MOSMO: variants seen among roughly 807,000 people sequenced by gnomAD.
MOSMO encodes modulator of smoothened, also known as modulator of smoothened protein.
In MOSMO, 5 loss-of-function variants were observed where a neutral mutation model predicts 18.4. That is an observed-to-expected ratio of 0.27 (90% confidence interval 0.14 to 0.57). The LOEUF (loss-of-function observed/expected upper bound fraction) is 0.57, where lower values mean the gene tolerates loss of function less well. MOSMO is among the 20% of genes least tolerant of loss of function. The pLI, the probability that MOSMO is intolerant of heterozygous loss-of-function variation, is 0.92. For synonymous variants in MOSMO, 82 were observed against 82.3 expected, an observed-to-expected ratio of 1.00 and a Z score of 0.02; for missense variants, 138 against 211.8, an observed-to-expected ratio of 0.65 and a Z score of 2.16.
At position 22,008,311 on chromosome 16, in the gene MOSMO, C is replaced by T. The variant is rs1035998835; in HGVS notation, c.10C>T (p.Leu4=). 9.2e-6 allele frequency: 14 copies of T among 1,528,280 alleles called. No individual in the cohort carries two copies. The highest frequency in any genetic ancestry group is 1.4e-5 in the African/African-American group (1 of 72,396). 94.7% of individuals were successfully genotyped at this position (1,528,280 alleles called of 1,614,324 possible). The change falls in exon 1 of 3, where the codon CTG becomes TTG. Residue 4 remains leucine, a synonymous_variant. Coordinates refer to ENST00000542527, the MANE Select transcript of MOSMO (RefSeq NM_001164579.2). ...GGAGCGGGGCGGGGAGATGGATAAA[C>T]TGACCATCATCTCAGGATGTCTCTT... The part of the protein sequence containing the change: MDK[L]TIISGCLFLA...
At chr16:22,058,005 A>T (rs999750201) in intron 1 of MOSMO, among the ~76,000 whole-genome samples, 1 of 152,212 alleles carries the variant, frequency 6.6e-6, no homozygotes, top group Non-Finnish European at 1.5e-5. Context: ...CTGTCTGAAA[A>T]AAAAGGCATA....
chr16:22,034,671 T>C (rs1296522383), intron 1 of MOSMO, among the ~76,000 whole-genome samples: 1 of 151,704 alleles, frequency 6.6e-6, no homozygotes, highest in Non-Finnish European at 1.5e-5. Context: ...GAATATGATA[T>C]ACCTGTGTGT....
chr16:22,072,040 CT>C (rs1472069141), intron 1 of MOSMO, among the ~76,000 whole-genome samples: 1 of 152,120 alleles, frequency 6.6e-6, no homozygotes, highest in African/African-American at 2.4e-5. Context: ...CAGTTCCCTC[CT>C]CTGAAAAGCT....
intron 1 of MOSMO, among the ~76,000 whole-genome samples, chr16:22,073,188 A>G (rs1900893666): frequency 6.6e-6 from 1 of 152,176 alleles, no homozygotes; most frequent in Non-Finnish European, 1.5e-5. Context: ...AGGAAAGTTC[A>G]GTTATGATGT....
At position 22,065,207 on chromosome 16, in the gene MOSMO, C is replaced by G. The variant is rs542100348; in HGVS notation, c.107-10280C>G. 6.6e-5 allele frequency among the ~76,000 whole-genome samples: 10 copies of G among 152,268 alleles called. No individual in the cohort carries two copies. In the East Asian group the frequency reaches 1.9e-3, roughly 29 times the overall value. On this transcript the variant is annotated intron_variant, in intron 1 of 2. Transcript: ENST00000542527. ...TAAAATAAGGCCTCCAAACTACAGT[C>G]ATGCTTACAAACAGGTGGTAATAGT...
rs1483169730 is a variant in MOSMO, at chr16:22,081,520, G to A, written c.*640G>A. ...AAAAAAAAAAAAAATCAAACACTAA[G>A]ACACATGTTTTGGGTGGGTGGGTGG... On this transcript the variant is annotated 3_prime_UTR_variant, in exon 3 of 3. Coordinates refer to ENST00000542527, the MANE Select transcript of MOSMO (RefSeq NM_001164579.2). 3 of 24,314 alleles carry A rather than the reference G, an allele frequency of 1.2e-4. No individual in the cohort carries two copies. Among genetic ancestry groups the A allele is most frequent in the Non-Finnish European group, 2.2e-4 (3 of 13,388 alleles). 1.5% of individuals were successfully genotyped at this position (24,314 alleles called of 1,614,324 possible).
chr16:22,011,752 A>C (rs1899533224), intron 1 of MOSMO, among the ~76,000 whole-genome samples: 1 of 152,172 alleles, frequency 6.6e-6, no homozygotes, highest in Non-Finnish European at 1.5e-5. Context: ...AATAAGAGAT[A>C]CTAGGAACAT....
intron 1 of MOSMO, among the ~76,000 whole-genome samples, chr16:22,022,579 G>C (rs1474780361): frequency 6.6e-6 from 1 of 152,138 alleles, no homozygotes; most frequent in Non-Finnish European, 1.5e-5. Context: ...GTAATCTGTA[G>C]TCCTAGGGTA....
chr16:22,069,060 A>G (rs1158997650), intron 1 of MOSMO, among the ~76,000 whole-genome samples: 1 of 152,098 alleles, frequency 6.6e-6, no homozygotes, highest in Non-Finnish European at 1.5e-5. Flanking sequence ...GGTTCCCATG[A>G]TCTCTTCAGG....
intron 1 of MOSMO, among the ~76,000 whole-genome samples, chr16:22,009,626 T>C (rs1403420342): frequency 1.3e-5 from 2 of 151,846 alleles, no homozygotes; most frequent in Non-Finnish European, 2.9e-5. Flanking sequence ...AAGGAACTTT[T>C]GGAGGGTTGG....
intron 1 of MOSMO, among the ~76,000 whole-genome samples, chr16:22,055,115 G>A (rs574802975): frequency 1.3e-5 from 2 of 152,158 alleles, no homozygotes; most frequent in Non-Finnish European, 2.9e-5. Flanking sequence ...GTTTTTGAGG[G>A]TCAACAAGTC....
At position 22,040,021 on chromosome 16, in the gene MOSMO, A is replaced by T. The variant is rs185164140; in HGVS notation, c.106+31614A>T. ...GTGCCTAGCACATGGAAGGCATTGGATCTGTTTGTTGAATGAATGAAATAT... is the reference window on the plus strand; with the variant it reads ...GTGCCTAGCACATGGAAGGCATTGGTTCTGTTTGTTGAATGAATGAAATAT... On this transcript the variant is annotated intron_variant, in intron 1 of 2. Coordinates refer to ENST00000542527, the MANE Select transcript of MOSMO (RefSeq NM_001164579.2). Among the ~76,000 whole-genome samples the T allele has an allele frequency of 4.6e-5, 7 of 152,350 alleles. No homozygotes were observed. The East Asian group carries it at 1.3e-3, about 29-fold the overall frequency.
At chr16:22,074,878 T>C (rs1900933234) in intron 1 of MOSMO, among the ~76,000 whole-genome samples, 1 of 152,254 alleles carries the variant, frequency 6.6e-6, no homozygotes. Flanking sequence ...CAGAGGGCCC[T>C]CCTAGTTTTT....
intron 1 of MOSMO, among the ~76,000 whole-genome samples, chr16:22,073,019 C>T (rs1207855356): frequency 9.2e-5 from 14 of 152,000 alleles, no homozygotes; most frequent in Admixed American, 8.5e-4. Flanking sequence ...TTGAAATTTT[C>T]GTGCTTGTTC....
chr16:22,069,070 G>T (rs1017249649), intron 1 of MOSMO, among the ~76,000 whole-genome samples: 2 of 152,054 alleles, frequency 1.3e-5, no homozygotes, highest in Non-Finnish European at 2.9e-5. Context: ...ATCTCTTCAG[G>T]TTCAGTAAGG....
chr16:22,071,443 T>C (rs903354562), intron 1 of MOSMO, among the ~76,000 whole-genome samples: 2 of 152,200 alleles, frequency 1.3e-5, no homozygotes, highest in African/African-American at 4.8e-5. Flanking sequence ...GTGTTACAGA[T>C]TTTCTGTGAC....
At chr16:22,057,509 A>G (rs906878849) in intron 1 of MOSMO, among the ~76,000 whole-genome samples, 2 of 152,232 alleles carry the variant, frequency 1.3e-5, no homozygotes, top group Non-Finnish European at 2.9e-5. Flanking sequence ...TGGGTTGCAC[A>G]TTGAATCACA....
intron 1 of MOSMO, among the ~76,000 whole-genome samples, chr16:22,053,810 A>G (rs1190902934): frequency 2.6e-5 from 4 of 152,182 alleles, no homozygotes; most frequent in African/African-American, 9.6e-5. Context: ...CTCAAAAAAA[A>G]AGAAGTGGTT....
chr16:22,043,371 A>G (rs557205932), intron 1 of MOSMO, among the ~76,000 whole-genome samples: 35 of 152,274 alleles, frequency 2.3e-4, no homozygotes, highest in African/African-American at 6.7e-4. Flanking sequence ...CATAACTATC[A>G]TTTGACACAT....
Sources: allele counts gnomAD v4.1 joint callset (sites outside exome capture counted in the v4.1 genomes callset), GRCh38; gene constraint gnomAD v4.1.1; transcripts MANE v1.5; gene names NCBI Gene and HGNC (gene_info 2026-07-23, HGNC 2026-07-21).